The following ADORA2B variants were observed in gnomAD, a reference collection of about 807,000 sequenced individuals.
The protein encoded by ADORA2B is adenosine receptor A2b.
Under a neutral mutation model 20.8 loss-of-function variants are expected in ADORA2B, and 18 were observed. The ratio of observed to expected loss-of-function variants is 0.87; its 90% CI spans 0.60 to 1.29. The LOEUF is 1.29. ADORA2B is among the 50% of genes most tolerant of loss of function. The pLI is 0.00. For missense variants in ADORA2B, 441 were observed against 422.7 expected, an observed-to-expected ratio of 1.04 and a Z score of -0.38; for synonymous variants, 179 against 178.3, an observed-to-expected ratio of 1.00 and a Z score of -0.03.
chr17:15,891,575 A>C, the ADORA2B span, among the ~76,000 whole-genome samples: 1 of 152,232 alleles, frequency 6.6e-6, no homozygotes. Context: ...CAGCTGTAAT[A>C]ATAAAGACCT....
At chr17:15,914,479 A>T in the ADORA2B span, among the ~76,000 whole-genome samples, 2 of 152,198 alleles carry the variant, frequency 1.3e-5, no homozygotes, top group African/African-American at 4.8e-5. Context: ...TGCTGAGATT[A>T]CAAGTGTGAG....
At chr17:15,882,965 C>A in the ADORA2B span, among the ~76,000 whole-genome samples, 1 of 152,286 alleles carries the variant, frequency 6.6e-6, no homozygotes, top group East Asian at 1.9e-4. Context: ...TCTCCGTCCC[C>A]CAGGACAGCA....
the ADORA2B span, among the ~76,000 whole-genome samples, chr17:15,895,810 G>C: frequency 1.4e-3 from 210 of 152,294 alleles, no homozygotes; most frequent in African/African-American, 4.9e-3. Flanking sequence ...GCAAAGAGAG[G>C]GAGGACTGAG....
chr17:15,975,332 TG>T lies in ADORA2B; in HGVS notation c.992del (p.Gly331AlafsTer28). On this transcript the variant is annotated frameshift_variant, in exon 2 of 2. Transcript: ENST00000304222. LOFTEE classifies it high-confidence loss of function. ...GCTGGGGTACAGCCTGCTCTCGGTG[TG>T]GGCCTATGATCTAGGCTCTCGCCTC... ...GQAGVQPALG[V>X]GL 6.2e-7 allele frequency: 1 copy of T among 1,610,926 alleles called. No homozygotes were observed. The highest frequency in any genetic ancestry group is 8.5e-7 in the Non-Finnish European group (1 of 1,179,530).
upstream of ADORA2B, among the ~76,000 whole-genome samples, chr17:15,940,194 G>A (rs542194652): frequency 5.3e-4 from 80 of 152,318 alleles, no homozygotes; most frequent in Non-Finnish European, 8.5e-4. Flanking sequence ...CTTAAAGCCC[G>A]TCAGTGTTGG....
chr17:15,889,128 A>T, the ADORA2B span, among the ~76,000 whole-genome samples: 5 of 124,882 alleles, frequency 4.0e-5, 2 homozygotes, highest in Non-Finnish European at 6.6e-5. Flanking sequence ...TCGGCCTCCC[A>T]AAGTGCTGGG....
At chr17:15,967,128 G>A (rs991215652) in intron 1 of ADORA2B, among the ~76,000 whole-genome samples, 1 of 152,180 alleles carries the variant, frequency 6.6e-6, no homozygotes, top group Non-Finnish European at 1.5e-5. Flanking sequence ...AAGTGGGAAA[G>A]GAGAGGGCGT....
rs1036876439 is a variant in ADORA2B at position 15,975,358 on chromosome 17, C to T, written c.*16C>T. ...GGGCCTATGATCTAGGCTCTCGCCT[C>T]TTCCAGGAGAAGATACAAATCCACA... On this transcript the variant is annotated 3_prime_UTR_variant, in exon 2 of 2. Coordinates refer to ENST00000304222, the MANE Select transcript of ADORA2B (RefSeq NM_000676.4). The T allele has an allele frequency of 5.6e-6, 9 of 1,596,648 alleles. No homozygotes were observed. The highest frequency in any genetic ancestry group is 4.5e-5 in the East Asian group (2 of 44,692).
intron 1 of ADORA2B, among the ~76,000 whole-genome samples, chr17:15,948,398 C>CCGT: frequency 8.8e-5 from 2 of 22,632 alleles, no homozygotes; most frequent in East Asian, 2.8e-3. Flanking sequence ...TGGGCCCTGG[C>CCGT]GGCGGGGGGC....
the ADORA2B span, among the ~76,000 whole-genome samples, chr17:15,897,474 G>A: frequency 6.6e-6 from 1 of 152,224 alleles, no homozygotes; most frequent in East Asian, 1.9e-4. Context: ...ACTCTGAGGT[G>A]GGAGGATTGG....
chr17:15,922,412 CT>C, the ADORA2B span, among the ~76,000 whole-genome samples: 2 of 152,138 alleles, frequency 1.3e-5, no homozygotes, highest in Non-Finnish European at 2.9e-5. Flanking sequence ...CATCCACATT[CT>C]TTTTTTCTGC....
chr17:15,926,970 C>G, the ADORA2B span, among the ~76,000 whole-genome samples: 2 of 151,968 alleles, frequency 1.3e-5, no homozygotes. Context: ...GACCCTGTCT[C>G]AAAAAATAAA....
chr17:15,959,409 T>G, intron 1 of ADORA2B, among the ~76,000 whole-genome samples: 1 of 152,204 alleles, frequency 6.6e-6, no homozygotes. Flanking sequence ...CTATATACCT[T>G]TCACTTACAT....
At chr17:15,863,367 T>TG in the ADORA2B span, among the ~76,000 whole-genome samples, 161 of 152,208 alleles carry the variant, frequency 1.1e-3, 1 homozygote, top group African/African-American at 3.5e-3. Flanking sequence ...TTTTTAGAGA[T>TG]GGGGGTCTCG....
chr17:15,906,076 C>G, the ADORA2B span, among the ~76,000 whole-genome samples: 211 of 152,314 alleles, frequency 1.4e-3, no homozygotes, highest in African/African-American at 5.0e-3. Context: ...TTATTTCTAC[C>G]TTTCCAATTC....
chr17:15,866,159 C>T, the ADORA2B span, among the ~76,000 whole-genome samples: 2 of 152,022 alleles, frequency 1.3e-5, no homozygotes, highest in Admixed American at 1.3e-4. Context: ...GTGCTTGTTC[C>T]TGTTGGTTAC....
At chr17:15,875,811 C>A in the ADORA2B span, among the ~76,000 whole-genome samples, 5 of 152,176 alleles carry the variant, frequency 3.3e-5, no homozygotes, top group African/African-American at 1.2e-4. Flanking sequence ...GAACTTCTGA[C>A]GTCAGGTAAT....
chr17:15,868,015 T>C, the ADORA2B span, among the ~76,000 whole-genome samples: 1 of 149,546 alleles, frequency 6.7e-6, no homozygotes, highest in African/African-American at 2.5e-5. Context: ...CTTTTCATTT[T>C]GTTCTGTACT....
At chr17:15,950,726 A>G (rs2535604) in intron 1 of ADORA2B, among the ~76,000 whole-genome samples, 145,375 of 152,238 alleles carry the variant, frequency 0.95, 69,630 homozygotes, top group Non-Finnish European at 0.99. Flanking sequence ...AGACACAGAG[A>G]GTGAAATCCC....
Sources: gnomAD v4.1 joint callset for allele counts (sites outside exome capture counted in the v4.1 genomes callset) on GRCh38, gnomAD v4.1.1 for gene constraint, MANE v1.5 for transcripts, NCBI Gene and HGNC (gene_info 2026-07-23, HGNC 2026-07-21) for gene names.